Variants in KIAA0319L observed in about 807,000 individuals in gnomAD.
KIAA0319L encodes the protein dyslexia-associated protein KIAA0319-like protein.
Under a neutral mutation model 120.1 loss-of-function variants are expected in KIAA0319L, and 55 were observed. The ratio of observed to expected loss-of-function variants is 0.46; its 90% CI spans 0.37 to 0.57. KIAA0319L has a LOEUF of 0.57. Ranked by LOEUF, KIAA0319L falls within the 20% of genes least tolerant of loss-of-function variation. KIAA0319L has a pLI of 0.00. For synonymous variants in KIAA0319L, 398 were observed against 471.9 expected (o/e 0.84, Z 2.03); for missense variants, 1,049 against 1,255.3 (o/e 0.84, Z 2.48).
chr1:35,488,853 T>C (rs1355959027), intron 3 of KIAA0319L, among the ~76,000 whole-genome samples: 2 of 152,116 alleles, frequency 1.3e-5, no homozygotes, highest in Admixed American at 6.5e-5. Context: ...CTGGCAAGAG[T>C]AGCTTCAGTG....
intron 3 of KIAA0319L, among the ~76,000 whole-genome samples, chr1:35,479,864 C>T (rs1432048370): frequency 7.1e-6 from 1 of 140,810 alleles, no homozygotes; most frequent in Non-Finnish European, 1.5e-5. Flanking sequence ...GATCATGCCA[C>T]TGTACTCTAG....
Position 35,506,516 on chromosome 1 carries a change from G to C in KIAA0319L, c.666+96C>G, listed in dbSNP as rs1308045013. On this transcript the variant is annotated intron_variant, in intron 3 of 20. Coordinates refer to ENST00000325722, the MANE Select transcript of KIAA0319L (RefSeq NM_024874.5). This position sits in a 1 kb window ranked among gnomAD's most constrained non-coding sequence, Gnocchi z 4.0. The stretch of plus-strand genomic sequence containing the variant: ...TTTATATATACACTCCTCAGCCTAT[G>C]AGCACTGCCCGCAAGCATCAGCTTC... 12 of 1,221,420 alleles carry C rather than the reference G, an allele frequency of 9.8e-6. No homozygotes were observed. Among genetic ancestry groups the C allele is most frequent in the Non-Finnish European group, 1.4e-5 (12 of 865,030 alleles). The allele number at this position is 1,221,420 out of a possible 1,614,324, so 75.7% of individuals were successfully genotyped here.
chr1:35,540,953 T>A (rs1479151353), intron 2 of KIAA0319L, among the ~76,000 whole-genome samples: 1 of 152,112 alleles, frequency 6.6e-6, no homozygotes, highest in African/African-American at 2.4e-5. Flanking sequence ...TTTCCCTTTT[T>A]TTTTTCTTGA....
At chr1:35,480,114 T>C (rs566282888) in intron 3 of KIAA0319L, among the ~76,000 whole-genome samples, 29 of 152,078 alleles carry the variant, frequency 1.9e-4, no homozygotes, top group African/African-American at 6.7e-4. Context: ...TAAACAGTTG[T>C]TTACTAGACA....
intron 3 of KIAA0319L, among the ~76,000 whole-genome samples, chr1:35,492,873 T>C (rs939309876): frequency 4.6e-5 from 7 of 152,052 alleles, no homozygotes; most frequent in African/African-American, 1.4e-4. Flanking sequence ...AACACTGTAT[T>C]GGAGGCCTGG....
At chr1:35,441,208 G>A in intron 19 of KIAA0319L, 70 bp from the exon 20 acceptor site, 1 of 1,358,138 alleles carries the variant, frequency 7.4e-7, no homozygotes, top group Non-Finnish European at 1.1e-6. Context: ...AGAGCCAGAT[G>A]TGCATGCAGG....
At chr1:35,532,837 C>T (rs559698083) in intron 2 of KIAA0319L, among the ~76,000 whole-genome samples, 1 of 152,270 alleles carries the variant, frequency 6.6e-6, no homozygotes, top group East Asian at 1.9e-4. Flanking sequence ...AGAAAGCTTA[C>T]CCAGGGTGAG....
chr1:35,501,267 C>A (rs529331920), intron 3 of KIAA0319L, among the ~76,000 whole-genome samples: 1 of 152,332 alleles, frequency 6.6e-6, no homozygotes, highest in African/African-American at 2.4e-5. Flanking sequence ...CACCATCCTC[C>A]AGGAGACTGT....
chr1:35,530,729 A>G (rs532813414), intron 2 of KIAA0319L, among the ~76,000 whole-genome samples: 1 of 152,308 alleles, frequency 6.6e-6, no homozygotes, highest in Non-Finnish European at 1.5e-5. Context: ...TGGCTTTCAC[A>G]GGGAAAGATT....
chr1:35,468,278 C>T (rs181849824), intron 6 of KIAA0319L, among the ~76,000 whole-genome samples: 11 of 152,188 alleles, frequency 7.2e-5, no homozygotes, highest in Admixed American at 2.0e-4. Context: ...GCTCACACTT[C>T]ATTTCCTTCA....
intron 3 of KIAA0319L, among the ~76,000 whole-genome samples, chr1:35,504,267 G>A (rs536363817): frequency 1.3e-4 from 20 of 151,452 alleles, no homozygotes; most frequent in Admixed American, 5.3e-4. Context: ...CGCAATCTTC[G>A]CTCACTGCAA....
At position 35,461,138 on chromosome 1, in the gene KIAA0319L, A is replaced by T. The variant is rs112267831; in HGVS notation, c.1295-701T>A. Among the ~76,000 whole-genome samples the T allele has an allele frequency of 7.1e-3, 1,079 of 152,126 alleles. 11 individuals are homozygous for T. The highest frequency in any genetic ancestry group is 0.022 in the African/African-American group (925 of 41,498). On this transcript the variant is annotated intron_variant, in intron 8 of 20. Coordinates refer to ENST00000325722, the MANE Select transcript of KIAA0319L (RefSeq NM_024874.5). The stretch of plus-strand genomic sequence containing the variant: ...ATGGAATGCTACTTAATCATTTTTT[A>T]AAAAAAAGAATAAGCATCTTATGTG...
chr1:35,451,792 C>T lies in KIAA0319L; in HGVS notation c.1914-16G>A, dbSNP rs138499627. On this transcript the variant is annotated splice_polypyrimidine_tract_variant and intron_variant, in intron 12 of 20. Coordinates refer to ENST00000325722, the MANE Select transcript of KIAA0319L (RefSeq NM_024874.5). The stretch of plus-strand genomic sequence containing the variant: ...ATCAGGTCCCCTGCAAAAAAAGAAA[C>T]TAGAGGGTAGAGTTGTACCTGTCTG... 3.5e-3 allele frequency: 5,621 copies of T among 1,613,740 alleles called. 15 individuals are homozygous for T. Among genetic ancestry groups the T allele is most frequent in the Non-Finnish European group, 4.3e-3 (5,123 of 1,179,750 alleles).
At chr1:35,551,598 C>T (rs1056549559) in intron 2 of KIAA0319L, among the ~76,000 whole-genome samples, 1 of 152,138 alleles carries the variant, frequency 6.6e-6, no homozygotes, top group Admixed American at 6.5e-5. Context: ...GGATTACAGG[C>T]ATGAGCCACC....
chr1:35,436,287 C>T (rs544694079), intron 20 of KIAA0319L, among the ~76,000 whole-genome samples: 1 of 152,218 alleles, frequency 6.6e-6, no homozygotes, highest in Non-Finnish European at 1.5e-5. Context: ...CGCCCAAGGA[C>T]CTTGTCCATG....
intron 2 of KIAA0319L, among the ~76,000 whole-genome samples, chr1:35,518,004 A>C (rs1645751730): frequency 6.6e-6 from 1 of 152,244 alleles, no homozygotes; most frequent in Admixed American, 6.5e-5. Flanking sequence ...AATGCAAATC[A>C]AAACCACAAT....
chr1:35,524,065 T>C (rs1190646716), intron 2 of KIAA0319L, among the ~76,000 whole-genome samples: 1 of 152,202 alleles, frequency 6.6e-6, no homozygotes, highest in Admixed American at 6.5e-5. Flanking sequence ...TGACTACCTA[T>C]TCGTCTTTGG....
chr1:35,518,770 G>A (rs937132117), intron 2 of KIAA0319L, among the ~76,000 whole-genome samples: 3 of 152,190 alleles, frequency 2.0e-5, no homozygotes, highest in African/African-American at 7.2e-5. Flanking sequence ...TTGGGAGGCC[G>A]AGGCAGGTGG....
chr1:35,474,480 G>C (rs964233253), intron 5 of KIAA0319L, among the ~76,000 whole-genome samples: 2 of 152,180 alleles, frequency 1.3e-5, no homozygotes, highest in Non-Finnish European at 2.9e-5. Context: ...TTAAGAGAAA[G>C]AAACTGAGAC....
Sources: allele counts gnomAD v4.1 joint callset (sites outside exome capture counted in the v4.1 genomes callset), GRCh38; gene constraint gnomAD v4.1.1; non-coding constraint Gnocchi (gnomAD v3.1); transcripts MANE v1.5; gene names NCBI Gene and HGNC (gene_info 2026-07-23, HGNC 2026-07-21).